FGF1: variants seen among roughly 807,000 people sequenced by gnomAD.
The protein encoded by FGF1 is fibroblast growth factor 1.
FGF1 carries 9 observed loss-of-function variants against 13.4 expected under a neutral mutation model. The ratio of observed to expected loss-of-function variants is 0.67; its 90% CI spans 0.40 to 1.17. The LOEUF (loss-of-function observed/expected upper bound fraction) is 1.17. Among genes scored for constraint, FGF1 ranks in the 50% most tolerant of loss-of-function variants. The probability of loss-of-function intolerance (pLI) is 0.01; values close to 1 mark genes in which losing one functional copy is unlikely to be tolerated. For missense variants in FGF1, 156 were observed against 192.7 expected (o/e 0.81, Z 1.13); for synonymous variants, 93 against 79.0 (o/e 1.18, Z -0.94).
At chr5:142,696,688 T>A (rs1049538330) in intron 2 of FGF1, among the ~76,000 whole-genome samples, 2 of 152,228 alleles carry the variant, frequency 1.3e-5, no homozygotes, top group African/African-American at 4.8e-5. Flanking sequence ...CTGGATCTCA[T>A]GATACCAAAA....
chr5:142,634,354 G>A lies in FGF1; in HGVS notation c.-34-20193C>T, dbSNP rs533876899. ...ATTGAAGTAATACTTGCTGAAATAA[G>A]AATCCAGCCAGTCTCCCAGATTGAA... On this transcript the variant is annotated intron_variant, in intron 1 of 3. Transcript: ENST00000337706. Among the ~76,000 whole-genome samples the A allele has an allele frequency of 2.7e-4, 41 of 152,348 alleles. 2 individuals carry two copies. The highest frequency in any genetic ancestry group is 2.5e-3 in the Admixed American group (38 of 15,300).
In FGF1 at chr5:142,641,035, A is replaced by G. The variant is rs150737065; in HGVS notation, c.-34-26874T>C. Among the ~76,000 whole-genome samples the G allele has an allele frequency of 2.0e-5, 3 of 152,146 alleles. No individual in the cohort carries two copies. In the East Asian group the frequency reaches 5.8e-4, roughly 29 times the overall value. On this transcript the variant is annotated intron_variant, in intron 1 of 3. Coordinates refer to ENST00000337706, the MANE Select transcript of FGF1 (RefSeq NM_000800.5). ...TTGGAGACATACATATTACAAAAGG[A>G]GAAGAGTTTTGATTGCAGGGAAGGG...
intron 2 of FGF1, among the ~76,000 whole-genome samples, chr5:142,608,563 TATATATATATATATATATATACAC>T (rs1475556160): frequency 0.024 from 2,217 of 93,120 alleles, 70 homozygotes; most frequent in East Asian, 0.11. Context: ...TATATATATA[TATATATATATATATATATATACAC>T]ACACACACAC....
At chr5:142,602,199 C>T (rs566848386) in intron 2 of FGF1, among the ~76,000 whole-genome samples, 10 of 150,874 alleles carry the variant, frequency 6.6e-5, no homozygotes, top group South Asian at 2.1e-4. Flanking sequence ...TCTTTTGAGA[C>T]GGAGTCTTGT....
At chr5:142,641,141 G>A (rs1765142313) in intron 1 of FGF1, among the ~76,000 whole-genome samples, 2 of 152,182 alleles carry the variant, frequency 1.3e-5, no homozygotes, top group African/African-American at 4.8e-5. Flanking sequence ...AGACTTTCCA[G>A]TGGAGATTGG....
intron 1 of FGF1, among the ~76,000 whole-genome samples, chr5:142,684,629 G>A (rs78942651): frequency 6.2e-4 from 95 of 152,304 alleles, no homozygotes; most frequent in African/African-American, 2.0e-3. Context: ...CAAAGGAAAA[G>A]GGAATTTGCG....
Position 142,679,561 on chromosome 5 carries a change from C to T in FGF1, c.-35+6396G>A, listed in dbSNP as rs2152047014. 2.0e-5 allele frequency among the ~76,000 whole-genome samples: 3 copies of T among 152,360 alleles called. No homozygotes were observed. The Middle Eastern group carries it at 0.01, about 518-fold the overall frequency. ...AGTGTCTCACATGCCCTCTGGCACA[C>T]AGGAGGCATCCATGCTGAGCTGAAT... On this transcript the variant is annotated intron_variant, in intron 1 of 3. Transcript: ENST00000337706.
At chr5:142,620,837 C>T (rs912922658) in intron 1 of FGF1, among the ~76,000 whole-genome samples, 4 of 152,178 alleles carry the variant, frequency 2.6e-5, no homozygotes, top group African/African-American at 9.7e-5. Flanking sequence ...TGACCATGTA[C>T]CAGGTCATAA....
At chr5:142,669,464 T>G (rs1771031908) in intron 1 of FGF1, among the ~76,000 whole-genome samples, 1 of 152,114 alleles carries the variant, frequency 6.6e-6, no homozygotes, top group Non-Finnish European at 1.5e-5. Flanking sequence ...GATCCTAAAC[T>G]TGAGCCATGA....
intron 1 of FGF1, among the ~76,000 whole-genome samples, chr5:142,684,389 G>C (rs772604764): frequency 2.0e-5 from 3 of 152,210 alleles, no homozygotes; most frequent in Non-Finnish European, 4.4e-5. Context: ...ATTTGAGAGA[G>C]AATTTAAAAG....
chr5:142,655,065 A>C (rs1767913528), intron 1 of FGF1, among the ~76,000 whole-genome samples: 1 of 152,344 alleles, frequency 6.6e-6, no homozygotes, highest in South Asian at 2.1e-4. Flanking sequence ...CCTTCCTATC[A>C]TAACAGATTA....
At chr5:142,634,375 T>C (rs17217065) in intron 1 of FGF1, among the ~76,000 whole-genome samples, 4 of 152,292 alleles carry the variant, frequency 2.6e-5, no homozygotes, top group African/African-American at 4.8e-5. Flanking sequence ...GTCTCCCAGA[T>C]TGAAGTGAGG....
chr5:142,625,030 G>A (rs1001812154), intron 1 of FGF1, among the ~76,000 whole-genome samples: 3 of 152,152 alleles, frequency 2.0e-5, no homozygotes, highest in African/African-American at 4.8e-5. Context: ...ATACTACCTC[G>A]CTAAAATTAC....
chr5:142,645,096 A>AC (rs397728482), intron 1 of FGF1, among the ~76,000 whole-genome samples: 3 of 146,586 alleles, frequency 2.0e-5, no homozygotes, highest in Non-Finnish European at 4.6e-5. Context: ...TTAGCTTTAA[A>AC]CCCTGGCTTG....
chr5:142,660,553 C>T (rs1043710778), intron 1 of FGF1, among the ~76,000 whole-genome samples: 2 of 152,190 alleles, frequency 1.3e-5, no homozygotes, highest in Admixed American at 6.5e-5. Context: ...ATCTATATCA[C>T]GCAGGAGCAG....
At position 142,673,063 on chromosome 5, in the gene FGF1, T is replaced by G. The variant is rs1771804358; in HGVS notation, c.-35+12894A>C. On this transcript the variant is annotated intron_variant, in intron 1 of 3. Transcript: ENST00000337706. ...AATAGCTATTGTTATTATTATTCGA[T>G]GCAGAATCTCTGCATTGTGGTACTG... Among the ~76,000 whole-genome samples the G allele has an allele frequency of 2.0e-5, 3 of 152,244 alleles. 1 individual carries two copies. The South Asian group carries it at 6.2e-4, about 31-fold the overall frequency.
chr5:142,614,269 T>A lies in FGF1; in HGVS notation c.-34-108A>T, dbSNP rs17223618. On this transcript the variant is annotated intron_variant, in intron 1 of 3. Coordinates refer to ENST00000337706, the MANE Select transcript of FGF1 (RefSeq NM_000800.5). ...GGGCACAGGGTTCCCGGGTAGTGAG[T>A]AAGCACAGCCTGCCCAGGTGATGCC... 1,533 of 811,428 alleles carry A rather than the reference T, an allele frequency of 1.9e-3. 25 individuals carry two copies. In the African/African-American group the frequency reaches 0.023, roughly 12 times the overall value. 50.3% of individuals were successfully genotyped at this position (811,428 alleles called of 1,614,324 possible). A position where few individuals can be genotyped will look rare whatever the true frequency, so the allele number is the denominator to read the frequency against.
At chr5:142,638,803 A>G (rs62382138) in intron 1 of FGF1, among the ~76,000 whole-genome samples, 17,748 of 152,070 alleles carry the variant, frequency 0.12, 1,431 homozygotes, top group Non-Finnish European at 0.16. Flanking sequence ...TCCAGAATAT[A>G]TAAGGAACCC....
chr5:142,602,901 AC>A (rs1756894750), intron 2 of FGF1, among the ~76,000 whole-genome samples: 1 of 151,994 alleles, frequency 6.6e-6, no homozygotes, highest in South Asian at 2.1e-4. Context: ...CTCCTGATTC[AC>A]CCCCAGGATG....
Sources: gnomAD v4.1 joint callset for allele counts (sites outside exome capture counted in the v4.1 genomes callset) on GRCh38, gnomAD v4.1.1 for gene constraint, MANE v1.5 for transcripts, NCBI Gene and HGNC (gene_info 2026-07-23, HGNC 2026-07-21) for gene names.